Variants in PDE4C observed in about 807,000 individuals in gnomAD.
The protein encoded by PDE4C is phosphodiesterase 4C, also known as 3',5'-cyclic-AMP phosphodiesterase 4C.
A neutral mutation model predicts 63.9 loss-of-function variants in PDE4C; 50 were observed. The ratio of observed to expected loss-of-function variants is 0.78; its 90% CI spans 0.62 to 0.99. The LOEUF (loss-of-function observed/expected upper bound fraction) is 0.99. Among genes scored for constraint, PDE4C ranks in the 50% least tolerant of loss-of-function variants. PDE4C has a pLI of 0.00. For synonymous variants in PDE4C, 377 were observed against 385.1 expected, an observed-to-expected ratio of 0.98 and a Z score of 0.25; for missense variants, 777 against 899.1, an observed-to-expected ratio of 0.86 and a Z score of 1.74.
intron 1 of PDE4C, among the ~76,000 whole-genome samples, chr19:18,223,240 C>T (rs1351737528): frequency 6.9e-6 from 1 of 144,896 alleles, no homozygotes; most frequent in African/African-American, 2.6e-5. Flanking sequence ...GACAGAGTTT[C>T]ACTCTTGTTG....
intron 9 of PDE4C, 53 bp from the exon 10 acceptor site, chr19:18,218,551 C>T (rs935197758): frequency 1.7e-5 from 27 of 1,595,784 alleles, no homozygotes; most frequent in Middle Eastern, 1.7e-4. Flanking sequence ...CTGCAGCACA[C>T]GCTGTTCCTA....
intron 1 of PDE4C, 101 bp from the exon 2 acceptor site, chr19:18,222,424 G>A (rs1329562910): frequency 8.5e-6 from 9 of 1,059,222 alleles, no homozygotes; most frequent in Non-Finnish European, 1.2e-5. Flanking sequence ...CTGCTTGGCA[G>A]TCAGGCAAGT....
At chr19:18,234,584 C>G (rs1186109943), upstream of PDE4C, among the ~76,000 whole-genome samples, 3 of 152,128 alleles carry the variant, frequency 2.0e-5, no homozygotes, top group African/African-American at 7.2e-5. Flanking sequence ...AGGGTCATGA[C>G]TTGGTGGAGG....
At chr19:18,242,555 G>A (rs938782145) in intron 1 of PDE4C, among the ~76,000 whole-genome samples, 2 of 151,464 alleles carry the variant, frequency 1.3e-5, no homozygotes, top group Non-Finnish European at 2.9e-5. Context: ...GCTGAGGTGG[G>A]CAGATTGCCT....
Position 18,220,392 on chromosome 19 carries a change from C to T in PDE4C, c.612+11G>A. On this transcript the variant is annotated intron_variant, in intron 6 of 14. Coordinates refer to ENST00000262805, the Ensembl canonical transcript of PDE4C. This position sits in a 1 kb window ranked among gnomAD's most constrained non-coding sequence, Gnocchi z 5.1. ...CGAGGCAGGTGAGCTCAGCGATCTGCCCCACCTCACCTTGTTGGAGGCCAT... is the reference window on the plus strand; with the variant it reads ...CGAGGCAGGTGAGCTCAGCGATCTGTCCCACCTCACCTTGTTGGAGGCCAT... 1 of 1,612,646 alleles carries T rather than the reference C, an allele frequency of 6.2e-7. No individual in the cohort carries two copies.
At chr19:18,248,261 G>A, upstream of PDE4C, 3 of 455,484 alleles carry the variant, frequency 6.6e-6, no homozygotes, top group South Asian at 1.5e-5. Context: ...GGAGGCCCAG[G>A]GCTCCCTCAA....
intron 1 of PDE4C, among the ~76,000 whole-genome samples, chr19:18,243,611 T>C (rs1172088979): frequency 1.3e-5 from 2 of 152,140 alleles, no homozygotes; most frequent in African/African-American, 4.8e-5. Flanking sequence ...TCTGGAATTA[T>C]GGGGGACCTG....
At chr19:18,246,182 ATTTTT>A (rs35056580) in intron 1 of PDE4C, among the ~76,000 whole-genome samples, 2 of 112,658 alleles carry the variant, frequency 1.8e-5, no homozygotes, top group Non-Finnish European at 3.7e-5. Flanking sequence ...CACCAGGCTA[ATTTTT>A]TTTTTTTTTT....
intron 2 of PDE4C, among the ~76,000 whole-genome samples, chr19:18,221,591 G>C (rs778739290): frequency 6.6e-6 from 1 of 151,074 alleles, no homozygotes; most frequent in African/African-American, 2.4e-5. Flanking sequence ...TTCATTTGCT[G>C]CTAATTGGCC....
At position 18,212,966 on chromosome 19, in the gene PDE4C, G is replaced by A. The variant is rs549189953; in HGVS notation, c.1512+402C>T. ...CTCCCAAAGTGCTGGGATTATAGGC[G>A]TGAGCCACTGCGCCCGGCTGCTAAA... On this transcript the variant is annotated intron_variant, in intron 13 of 14. Coordinates refer to ENST00000262805, the Ensembl canonical transcript of PDE4C. Among the ~76,000 whole-genome samples, 103 of 143,824 alleles carry A rather than the reference G, an allele frequency of 7.2e-4. No individual in the cohort carries two copies. In the South Asian group the frequency reaches 0.017, roughly 24 times the overall value. The allele number at this position is 143,824 out of a possible 152,430, so 94.4% of individuals were successfully genotyped here.
chr19:18,249,838 G>T, upstream of PDE4C: 1 of 303,804 alleles, frequency 3.3e-6, no homozygotes, highest in Non-Finnish European at 6.0e-6. Flanking sequence ...CTCCCAAAGT[G>T]CTGGGATTAC....
At chr19:18,221,058 C>CCCCCCCCCCCCCCCCCCCCGG in intron 4 of PDE4C, 47 bp downstream of exon 4, 2 of 1,221,606 alleles carry the variant, frequency 1.6e-6, no homozygotes, top group Non-Finnish European at 2.3e-6. Context: ...TTCCGCCCAC[C>CCCCCCCCCCCCCCCCCCCCGG]TTGTCTCTGC....
At chr19:18,222,313 C>T in exon 2 of PDE4C, 1 of 1,609,990 alleles carries the variant, frequency 6.2e-7, no homozygotes, top group East Asian at 2.2e-5. Context: ...AGCCCATTTT[C>T]CAGGTCAAAG....
At chr19:18,222,705 T>TC (rs1968546994) in intron 1 of PDE4C, among the ~76,000 whole-genome samples, 1 of 130,762 alleles carries the variant, frequency 7.6e-6, no homozygotes, top group Non-Finnish European at 1.6e-5. Flanking sequence ...CTTTTCTTTT[T>TC]TTTTTTTTTT....
At chr19:18,218,180 A>G in exon 11 of PDE4C, 1 of 1,614,198 alleles carries the variant, frequency 6.2e-7, no homozygotes, top group African/African-American at 1.3e-5. Flanking sequence ...TGGAGACCCC[A>G]GGATGGTCCA....
rs1332522669 is a variant in PDE4C, at chr19:18,211,947, G to T, written c.1513-6C>A. The T allele has an allele frequency of 1.2e-6, 2 of 1,612,160 alleles. No homozygotes were observed. Among genetic ancestry groups the T allele is most frequent in the South Asian group, 2.2e-5 (2 of 91,070 alleles). On this transcript the variant is annotated splice_polypyrimidine_tract_variant and splice_region_variant and intron_variant, in intron 13 of 14. Coordinates refer to ENST00000262805, the Ensembl canonical transcript of PDE4C. ...TGCACCAGGTTCTGCAAGACCTACA[G>T]AGATCGAGGCTTGGGAGGGCACTGG...
chr19:18,252,289 G>A (rs148370151), upstream of PDE4C: 145 of 399,160 alleles, frequency 3.6e-4, 1 homozygote, highest in Non-Finnish European at 5.9e-4. Flanking sequence ...GGGCTCGGCT[G>A]GATGGTAGGG....
chr19:18,223,848 C>T (rs1380656701), intron 1 of PDE4C, among the ~76,000 whole-genome samples: 2 of 152,198 alleles, frequency 1.3e-5, no homozygotes, highest in African/African-American at 4.8e-5. Flanking sequence ...CTAGCTCCTG[C>T]GTGCGCCTTA....
chr19:18,218,042 A>G (rs955779242), intron 11 of PDE4C, 107 bp downstream of exon 11: 18 of 816,984 alleles, frequency 2.2e-5, no homozygotes, highest in South Asian at 1.6e-4. Flanking sequence ...TTTCATAGAC[A>G]GGGAGACTGG....
Sources: gnomAD v4.1 joint callset for allele counts (sites outside exome capture counted in the v4.1 genomes callset) on GRCh38, gnomAD v4.1.1 for gene constraint, Gnocchi (gnomAD v3.1) non-coding constraint, MANE v1.5 for transcripts, NCBI Gene and HGNC (gene_info 2026-07-23, HGNC 2026-07-21) for gene names.